The following C10orf88 variants were observed in gnomAD, a reference collection of about 807,000 sequenced individuals.
C10orf88 encodes the protein ATPase PAAT.
Under a neutral mutation model 34.2 loss-of-function variants are expected in C10orf88, and 29 were observed. The observed-to-expected ratio is 0.85, with a 90% CI of 0.63 to 1.16. C10orf88 has a LOEUF of 1.16. Among genes scored for constraint, C10orf88 ranks in the 50% most tolerant of loss-of-function variants. The probability of loss-of-function intolerance (pLI) is 0.00; values close to 1 mark genes in which losing one functional copy is unlikely to be tolerated. For synonymous variants in C10orf88, 194 were observed against 197.4 expected, an observed-to-expected ratio of 0.98 and a Z score of 0.15; for missense variants, 507 against 533.2, an observed-to-expected ratio of 0.95 and a Z score of 0.48.
chr10:122,953,818 C>T (rs1848718498), intron 1 of C10orf88, among the ~76,000 whole-genome samples, 197 bp downstream of exon 1: 1 of 151,986 alleles, frequency 6.6e-6, no homozygotes, highest in Non-Finnish European at 1.5e-5. Flanking sequence ...CGCCCAGGAG[C>T]CTCGGCCCCT....
intron 4 of C10orf88, among the ~76,000 whole-genome samples, chr10:122,946,748 T>C (rs913704208): frequency 1.1e-4 from 17 of 152,176 alleles, no homozygotes; most frequent in Non-Finnish European, 1.8e-4. Context: ...AAAGGTGTCA[T>C]TAAAGATGTA....
chr10:122,947,428 A>C (rs1848650175), intron 4 of C10orf88, among the ~76,000 whole-genome samples: 2 of 152,184 alleles, frequency 1.3e-5, no homozygotes, highest in African/African-American at 4.8e-5. Context: ...ATATTAATTA[A>C]CTTGCCATAG....
chr10:122,941,075 T>A (rs1436820680), intron 4 of C10orf88, among the ~76,000 whole-genome samples: 1 of 152,052 alleles, frequency 6.6e-6, no homozygotes. Context: ...TCACCTTTAA[T>A]AATCAGAAAG....
chr10:122,942,989 AC>A (rs1225311015), intron 4 of C10orf88, among the ~76,000 whole-genome samples: 1 of 151,086 alleles, frequency 6.6e-6, no homozygotes, highest in Non-Finnish European at 1.5e-5. Context: ...CCATCAAGCT[AC>A]CAATGACTTT....
Position 122,938,178 on chromosome 10 carries a change from T to C in C10orf88, c.649-19A>G, listed in dbSNP as rs370547065. On this transcript the variant is annotated intron_variant, in intron 4 of 5. Coordinates refer to ENST00000481909, the MANE Select transcript of C10orf88 (RefSeq NM_024942.4). ...TACAATTCTAAACAAGGTAAACAAG[T>C]AAATGTTAATATTAATAACACTGAC... 6 of 1,540,494 alleles carry C rather than the reference T, an allele frequency of 3.9e-6. No homozygotes were observed. The African/African-American group carries it at 6.9e-5, about 18-fold the overall frequency.
At chr10:122,936,966 T>C (rs547308438) in intron 5 of C10orf88, among the ~76,000 whole-genome samples, 22 of 152,022 alleles carry the variant, frequency 1.4e-4, no homozygotes, top group Non-Finnish European at 3.1e-4. Flanking sequence ...GGTAGAGTTC[T>C]CTATAAATGT....
At chr10:122,940,906 T>C (rs1470140809) in intron 4 of C10orf88, among the ~76,000 whole-genome samples, 1 of 152,088 alleles carries the variant, frequency 6.6e-6, no homozygotes, top group Non-Finnish European at 1.5e-5. Context: ...TGTGTCCATA[T>C]ACTTACAAAG....
At chr10:122,943,300 CTG>C (rs1446074706) in intron 4 of C10orf88, among the ~76,000 whole-genome samples, 6 of 146,718 alleles carry the variant, frequency 4.1e-5, no homozygotes, top group Non-Finnish European at 6.0e-5. Context: ...ATAAATGGTG[CTG>C]GGAAAACTGG....
At chr10:122,952,430 T>G (rs1848698811) in intron 2 of C10orf88, among the ~76,000 whole-genome samples, 1 of 152,228 alleles carries the variant, frequency 6.6e-6, no homozygotes, top group African/African-American at 2.4e-5. Flanking sequence ...CTTAGATCCC[T>G]CCACCATTTC....
rs775244366 is a variant in C10orf88, at chr10:122,938,177, GTAAATGT to G, written c.649-25_649-19del. On this transcript the variant is annotated intron_variant, in intron 4 of 5. Transcript: ENST00000481909. ...ATACAATTCTAAACAAGGTAAACAA[GTAAATGT>G]TAATATTAATAACACTGACAGCTAA... 2 of 1,548,268 alleles carry G rather than the reference GTAAATGT, an allele frequency of 1.3e-6. 1 individual carries two copies. Among genetic ancestry groups the G allele is most frequent in the Admixed American group, 3.9e-5 (2 of 51,076 alleles).
intron 4 of C10orf88, among the ~76,000 whole-genome samples, chr10:122,945,299 A>G (rs1414189095): frequency 6.6e-6 from 1 of 152,202 alleles, no homozygotes; most frequent in Non-Finnish European, 1.5e-5. Context: ...AAAGTATAGC[A>G]TGTACAATTA....
chr10:122,946,009 T>C (rs1397273039), intron 4 of C10orf88, among the ~76,000 whole-genome samples: 2 of 151,912 alleles, frequency 1.3e-5, no homozygotes, highest in South Asian at 2.1e-4. Context: ...GGTAGGAGAA[T>C]TGCTTGAACC....
chr10:122,937,955 C>T lies in C10orf88; in HGVS notation c.853G>A (p.Gly285Arg), dbSNP rs759728995. The part of the protein sequence containing the change: ...YIDKSTQLPG[G>R]ENSTKLDECK... ...TCATCAAGCTTGGTAGAATTCTCTC[C>T]ACCAGGCAGTTGTGTACTTTTATCA... Residue 285 changes from glycine (G) to arginine (R), a missense_variant, in exon 5 of 6, where the codon GGA becomes AGA. Transcript: ENST00000481909. 16 of 1,613,188 alleles carry T rather than the reference C, an allele frequency of 9.9e-6. No individual in the cohort carries two copies. In the African/African-American group the frequency reaches 2.0e-4, roughly 20 times the overall value.
At chr10:122,945,270 G>A (rs1848629279) in intron 4 of C10orf88, among the ~76,000 whole-genome samples, 1 of 152,038 alleles carries the variant, frequency 6.6e-6, no homozygotes, top group Non-Finnish European at 1.5e-5. Context: ...CCAACCGATT[G>A]CACACTGCCA....
chr10:122,948,441 T>A (rs1278474275), intron 4 of C10orf88, among the ~76,000 whole-genome samples: 1 of 152,148 alleles, frequency 6.6e-6, no homozygotes, highest in Non-Finnish European at 1.5e-5. Flanking sequence ...TCTTGCTGAA[T>A]GAATGAATGC....
At position 122,935,688 on chromosome 10, in the gene C10orf88, C is replaced by T. The variant is rs575135038; in HGVS notation, c.1103+2017G>A. Among the ~76,000 whole-genome samples, 5 of 151,898 alleles carry T rather than the reference C, an allele frequency of 3.3e-5. No individual in the cohort carries two copies. The South Asian group carries it at 1.0e-3, about 31-fold the overall frequency. ...CATGCTCGATTTTTCATAGGAATTA[C>T]ATTAAATTTATATATCAACTAGGAG... is the stretch of plus-strand genomic sequence containing the variant. On this transcript the variant is annotated intron_variant, in intron 5 of 5. Coordinates refer to ENST00000481909, the MANE Select transcript of C10orf88 (RefSeq NM_024942.4).
rs775486881 is a variant in C10orf88 at position 122,937,974 on chromosome 10, T to C, written c.834A>G (p.Lys278=). ...VTENLQTYID[K]STQLPGGENS... ...TCTCTCCACCAGGCAGTTGTGTACT[T>C]TTATCAATGTAAGTTTGTAAGTTTT... Residue 278 remains lysine (K), a synonymous_variant, in exon 5 of 6, where the codon AAA becomes AAG. Transcript: ENST00000481909. 4 of 1,613,316 alleles carry C rather than the reference T, an allele frequency of 2.5e-6. No individual in the cohort carries two copies. In the East Asian group the frequency reaches 6.7e-5, roughly 27 times the overall value.
intron 5 of C10orf88, among the ~76,000 whole-genome samples, chr10:122,935,556 T>C (rs2133328082): frequency 6.6e-6 from 1 of 152,110 alleles, no homozygotes; most frequent in South Asian, 2.1e-4. Flanking sequence ...CAAGTAGTGA[T>C]TTCTCTTACA....
At chr10:122,948,604 T>C in intron 4 of C10orf88, 45 bp downstream of exon 4, 1 of 1,566,992 alleles carries the variant, frequency 6.4e-7, no homozygotes, top group Non-Finnish European at 8.7e-7. Flanking sequence ...AGCAATGGTT[T>C]TGAAATCATT....
Sources: allele counts gnomAD v4.1 joint callset (sites outside exome capture counted in the v4.1 genomes callset), GRCh38; gene constraint gnomAD v4.1.1; transcripts MANE v1.5; gene names NCBI Gene and HGNC (gene_info 2026-07-23, HGNC 2026-07-21).